The following THSD7B variants were observed in gnomAD, a reference collection of about 807,000 sequenced individuals.
THSD7B encodes the protein thrombospondin type-1 domain-containing protein 7B.
A neutral mutation model predicts 213.6 loss-of-function variants in THSD7B; 138 were observed. That is an observed-to-expected ratio of 0.65 (90% CI 0.56 to 0.74). THSD7B has a LOEUF of 0.74. THSD7B is among the 30% of genes least tolerant of loss of function. The probability of loss-of-function intolerance (pLI) is 0.00; values close to 1 mark genes in which losing one functional copy is unlikely to be tolerated. For missense variants in THSD7B, 1,931 were observed against 1,991.5 expected, an observed-to-expected ratio of 0.97 and a Z score of 0.58; for synonymous variants, 742 against 687.0, an observed-to-expected ratio of 1.08 and a Z score of -1.25.
At chr2:136,993,948 C>T (rs1685833919) in intron 2 of THSD7B, among the ~76,000 whole-genome samples, 1 of 152,152 alleles carries the variant, frequency 6.6e-6, no homozygotes. Context: ...TATGTTTATA[C>T]ATACATGTTA....
chr2:136,978,722 G>C (rs141781726), intron 2 of THSD7B, among the ~76,000 whole-genome samples: 1 of 152,210 alleles, frequency 6.6e-6, no homozygotes, highest in African/African-American at 2.4e-5. Flanking sequence ...ACACTGATGG[G>C]TCTTGACTCT....
intron 2 of THSD7B, among the ~76,000 whole-genome samples, chr2:136,897,969 TGGTGCATTTAC>T (rs1382661711): frequency 1.3e-4 from 20 of 152,154 alleles, no homozygotes; most frequent in Non-Finnish European, 4.4e-5. Context: ...GAGTGCTGAT[TGGTGCATTTAC>T]AATCCTTTAG....
chr2:137,472,500 A>T (rs571035876), intron 15 of THSD7B, among the ~76,000 whole-genome samples: 54 of 152,324 alleles, frequency 3.5e-4, no homozygotes, highest in African/African-American at 1.2e-3. Context: ...AAAAAAAATT[A>T]AGTGGCATTG....
intron 1 of THSD7B, among the ~76,000 whole-genome samples, chr2:136,852,490 T>G (rs904335201): frequency 6.6e-6 from 1 of 152,058 alleles, no homozygotes; most frequent in Non-Finnish European, 1.5e-5. Flanking sequence ...TGCCTTAGGG[T>G]CTTGTGAGAC....
chr2:137,137,700 C>T (rs996565575), intron 5 of THSD7B, among the ~76,000 whole-genome samples: 6 of 152,098 alleles, frequency 3.9e-5, no homozygotes, highest in South Asian at 2.1e-4. Flanking sequence ...ACACATTTCT[C>T]AAAATGTATT....
chr2:137,454,859 A>G (rs981860337), intron 15 of THSD7B, among the ~76,000 whole-genome samples: 12 of 152,066 alleles, frequency 7.9e-5, no homozygotes, highest in African/African-American at 2.7e-4. Context: ...TATTTTTGGA[A>G]CCAGATTAAT....
intron 15 of THSD7B, among the ~76,000 whole-genome samples, chr2:137,528,498 T>G (rs1680321408): frequency 6.6e-6 from 1 of 152,130 alleles, no homozygotes; most frequent in Non-Finnish European, 1.5e-5. Context: ...GATATTTCAG[T>G]GCCTTTACTT....
intron 21 of THSD7B, among the ~76,000 whole-genome samples, chr2:137,653,859 T>C (rs929217472): frequency 6.6e-6 from 1 of 152,110 alleles, no homozygotes; most frequent in Non-Finnish European, 1.5e-5. Context: ...TTCTAGAAAT[T>C]GTTATTTTGA....
At chr2:137,200,725 G>A (rs185996669) in intron 7 of THSD7B, among the ~76,000 whole-genome samples, 18 of 152,078 alleles carry the variant, frequency 1.2e-4, no homozygotes, top group African/African-American at 4.3e-4. Flanking sequence ...CACAATCATA[G>A]CTTACTGCAG....
In THSD7B at chr2:137,281,872, A is replaced by G. The variant is rs539266724; in HGVS notation, c.2500+5846A>G. Among the ~76,000 whole-genome samples, 23 of 152,280 alleles carry G rather than the reference A, an allele frequency of 1.5e-4. 1 individual carries two copies. The East Asian group carries it at 3.9e-3, about 26-fold the overall frequency. On this transcript the variant is annotated intron_variant, in intron 12 of 27. Coordinates refer to ENST00000409968, the MANE Select transcript of THSD7B (RefSeq NM_001316349.2). ...AGTGCTGCAATAAACACACGTGTGC[A>G]TGTGTCTTTATAGCAGCATGATTTA...
chr2:137,518,195 G>A (rs1259095152), intron 15 of THSD7B, among the ~76,000 whole-genome samples: 1 of 152,130 alleles, frequency 6.6e-6, no homozygotes, highest in Non-Finnish European at 1.5e-5. Flanking sequence ...CTGCACTGAT[G>A]GCCTCATGGG....
At chr2:137,465,104 T>TC (rs1687966064) in intron 15 of THSD7B, among the ~76,000 whole-genome samples, 2 of 152,054 alleles carry the variant, frequency 1.3e-5, no homozygotes, top group South Asian at 4.1e-4. Flanking sequence ...GCCTTTTTTT[T>TC]CTCCTTTATG....
chr2:137,083,501 A>T (rs964738083), intron 3 of THSD7B, among the ~76,000 whole-genome samples: 1 of 152,148 alleles, frequency 6.6e-6, no homozygotes, highest in Non-Finnish European at 1.5e-5. Context: ...TCAGGGTTGT[A>T]ACATAAACCT....
At chr2:136,977,253 T>C (rs1407258923) in intron 2 of THSD7B, among the ~76,000 whole-genome samples, 2 of 152,194 alleles carry the variant, frequency 1.3e-5, no homozygotes, top group South Asian at 2.1e-4. Flanking sequence ...TATTCTCTGA[T>C]GGTTATTTGT....
At chr2:136,817,008 A>G (rs1258799435) in intron 1 of THSD7B, among the ~76,000 whole-genome samples, 1 of 152,188 alleles carries the variant, frequency 6.6e-6, no homozygotes, top group Non-Finnish European at 1.5e-5. Context: ...TAGGCAACAG[A>G]AAGGTTAGAG....
chr2:137,094,385 A>G (rs1446487241), intron 3 of THSD7B, among the ~76,000 whole-genome samples: 1 of 152,212 alleles, frequency 6.6e-6, no homozygotes, highest in African/African-American at 2.4e-5. Context: ...AGCTTGTCCA[A>G]CATGGTAAAA....
At chr2:137,588,437 A>G (rs966434345) in intron 17 of THSD7B, among the ~76,000 whole-genome samples, 2 of 149,744 alleles carry the variant, frequency 1.3e-5, no homozygotes, top group Non-Finnish European at 3.0e-5. Context: ...ATGCTGGGCT[A>G]TTTGATGTTT....
At chr2:136,970,372 A>G (rs904834146) in intron 2 of THSD7B, among the ~76,000 whole-genome samples, 3 of 152,286 alleles carry the variant, frequency 2.0e-5, no homozygotes, top group African/African-American at 7.2e-5. Flanking sequence ...AGGTTGAGGC[A>G]CAAGAATCAC....
rs1022847031 is a variant in THSD7B at position 136,887,414 on chromosome 2, T to A, written c.139+5097T>A. Among the ~76,000 whole-genome samples, 8 of 151,978 alleles carry A rather than the reference T, an allele frequency of 5.3e-5. No individual in the cohort carries two copies. The East Asian group carries it at 1.6e-3, about 30-fold the overall frequency. On this transcript the variant is annotated intron_variant, in intron 2 of 27. Coordinates refer to ENST00000409968, the MANE Select transcript of THSD7B (RefSeq NM_001316349.2). ...TGTTTGTTCCATCTAAGTCTCACAT[T>A]ACAATGTAATCCCCAATGATGGAGG...
Sources: gnomAD v4.1 joint callset for allele counts (sites outside exome capture counted in the v4.1 genomes callset) on GRCh38, gnomAD v4.1.1 for gene constraint, MANE v1.5 for transcripts, NCBI Gene and HGNC (gene_info 2026-07-23, HGNC 2026-07-21) for gene names.